Variants in UBA2 observed in about 807,000 individuals in gnomAD.
The protein encoded by UBA2 is ubiquitin like modifier activating enzyme 2.
In UBA2, 11 loss-of-function variants were observed where a neutral mutation model predicts 77.2. The ratio of observed to expected loss-of-function variants is 0.14; its 90% CI spans 0.09 to 0.24. UBA2 has a LOEUF of 0.24. Among genes scored for constraint, UBA2 ranks in the 10% least tolerant of loss-of-function variants. The probability of loss-of-function intolerance (pLI) is 1.00; values close to 1 mark genes in which losing one functional copy is unlikely to be tolerated. For missense variants in UBA2, 487 were observed against 781.7 expected (o/e 0.62, Z 4.50); for synonymous variants, 278 against 276.7 (o/e 1.00, Z -0.05).
intron 4 of UBA2, among the ~76,000 whole-genome samples, chr19:34,433,664 A>G (rs187027082): frequency 2.0e-4 from 31 of 152,340 alleles, no homozygotes; most frequent in South Asian, 6.2e-4. Context: ...AAAGCTCTCA[A>G]AAAGTGTGAC....
chr19:34,464,770 A>G (rs1290136675), intron 15 of UBA2, among the ~76,000 whole-genome samples: 2 of 152,304 alleles, frequency 1.3e-5, no homozygotes, highest in South Asian at 2.1e-4. Flanking sequence ...CATAAAACAA[A>G]TCATTTCGTT....
Position 34,469,276 on chromosome 19 carries a change from C to A in UBA2, c.*55C>A. 1 of 1,441,484 alleles carries A rather than the reference C, an allele frequency of 6.9e-7. No homozygotes were observed. Among genetic ancestry groups the A allele is most frequent in the Non-Finnish European group, 9.1e-7 (1 of 1,094,952 alleles). 89.3% of individuals were successfully genotyped at this position (1,441,484 alleles called of 1,614,324 possible). ...ACTATTTAGTTTATCTGGGCAGAAC[C>A]AGATTGTTATGTCCTTTGTTCCAAA... On this transcript the variant is annotated 3_prime_UTR_variant, in exon 17 of 17. Transcript: ENST00000246548.
At chr19:34,463,313 A>AC (rs2075652301) in intron 14 of UBA2, among the ~76,000 whole-genome samples, 1 of 152,120 alleles carries the variant, frequency 6.6e-6, no homozygotes, top group Admixed American at 6.6e-5. Context: ...TCGGTAGTTA[A>AC]GTGTTTTAAG....
At chr19:34,435,233 AC>A (rs1337631962) in intron 5 of UBA2, among the ~76,000 whole-genome samples, 2 of 152,008 alleles carry the variant, frequency 1.3e-5, no homozygotes, top group African/African-American at 4.8e-5. Context: ...CCCCATCTCT[AC>A]TAAAAATACA....
At chr19:34,450,409 C>A in intron 9 of UBA2, 45 bp downstream of exon 9, 2 of 1,392,346 alleles carry the variant, frequency 1.4e-6, no homozygotes, top group South Asian at 1.3e-5. Context: ...CTGGAAATAT[C>A]CTCGCGTAAA....
intron 6 of UBA2, among the ~76,000 whole-genome samples, chr19:34,442,942 A>G (rs1019432996): frequency 1.3e-5 from 2 of 152,206 alleles, no homozygotes; most frequent in Admixed American, 1.3e-4. Flanking sequence ...TTTCTGTAAG[A>G]TAACTTTCAT....
In UBA2 at chr19:34,446,612, C is replaced by CT. The variant is rs911805667; in HGVS notation, c.771+1506dup. The stretch of plus-strand genomic sequence containing the variant: ...CACATGTTGACTTTTTTTTTTCTTT[C>CT]TTTTTTTTTTTTTTTGAGAGAGAAT... On this transcript the variant is annotated intron_variant, in intron 8 of 16. Coordinates refer to ENST00000246548, the MANE Select transcript of UBA2 (RefSeq NM_005499.3). Among the ~76,000 whole-genome samples, 31 of 53,840 alleles carry CT rather than the reference C, an allele frequency of 5.8e-4. 1 individual carries two copies. In the East Asian group the frequency reaches 9.9e-3, roughly 17 times the overall value. 35.3% of individuals were successfully genotyped at this position (53,840 alleles called of 152,430 possible).
intron 4 of UBA2, among the ~76,000 whole-genome samples, chr19:34,434,269 C>G (rs896111975): frequency 6.6e-6 from 1 of 152,056 alleles, no homozygotes; most frequent in African/African-American, 2.4e-5. Context: ...TACCACCATA[C>G]CCGGCTAATT....
chr19:34,432,718 C>CA (rs1362135821), intron 3 of UBA2, among the ~76,000 whole-genome samples: 1 of 152,162 alleles, frequency 6.6e-6, no homozygotes, highest in Non-Finnish European at 1.5e-5. Context: ...CCACCACACT[C>CA]AGCTAATTTT....
At chr19:34,454,175 A>G (rs2075533443) in intron 10 of UBA2, 85 bp from the exon 11 acceptor site, 1 of 1,204,094 alleles carries the variant, frequency 8.3e-7, no homozygotes, top group Non-Finnish European at 1.2e-6. Context: ...AGTATTATAA[A>G]CACGTGAAAG....
At chr19:34,460,434 C>G in intron 13 of UBA2, 36 bp from the exon 14 acceptor site, 1 of 1,309,980 alleles carries the variant, frequency 7.6e-7, no homozygotes, top group Non-Finnish European at 1.1e-6. Flanking sequence ...TAATTACCTA[C>G]GTTAATATTT....
intron 5 of UBA2, among the ~76,000 whole-genome samples, chr19:34,436,664 C>A (rs1332617190): frequency 6.6e-6 from 1 of 152,188 alleles, no homozygotes; most frequent in East Asian, 1.9e-4. Flanking sequence ...TCTTTCAGTT[C>A]TTTTAAGAAG....
rs976889228 is a variant in UBA2 at position 34,428,720 on chromosome 19, G to GC, written c.138+158dup. On this transcript the variant is annotated intron_variant, in intron 1 of 16. Coordinates refer to ENST00000246548, the MANE Select transcript of UBA2 (RefSeq NM_005499.3). ...GGGCAGGCTGAGAGGCTCGGGTTGT[G>GC]CCCCCCCCGCGGGAGGAGACTGTTC... The GC allele has an allele frequency of 1.9e-3, 2,128 of 1,139,572 alleles. 4 individuals are homozygous for GC. Among genetic ancestry groups the GC allele is most frequent in the Non-Finnish European group, 2.1e-3 (1,912 of 910,442 alleles). The allele number at this position is 1,139,572 out of a possible 1,614,324, so 70.6% of individuals were successfully genotyped here.
chr19:34,430,517 T>A, intron 1 of UBA2, 59 bp from the exon 2 acceptor site: 1 of 1,318,254 alleles, frequency 7.6e-7, no homozygotes, highest in South Asian at 1.2e-5. Flanking sequence ...CTGAGAGTAG[T>A]GATACAGCTC....
chr19:34,437,379 G>A lies in UBA2; in HGVS notation c.460-1266G>A, dbSNP rs377497573. Among the ~76,000 whole-genome samples, 160 of 151,608 alleles carry A rather than the reference G, an allele frequency of 1.1e-3. 4 individuals carry two copies. The South Asian group carries it at 0.032, about 30-fold the overall frequency. On this transcript the variant is annotated intron_variant, in intron 5 of 16. Transcript: ENST00000246548. ...AATCCCAGCACTTTGGGAGGCCAAG[G>A]CGGGCGGATCACCTGAGGTAAGGAG...
chr19:34,438,551 G>T, intron 5 of UBA2, 94 bp from the exon 6 acceptor site: 3 of 1,457,350 alleles, frequency 2.1e-6, no homozygotes, highest in Non-Finnish European at 2.8e-6. Context: ...GTAAAACGTA[G>T]TTGGAATATA....
At chr19:34,455,842 A>G (rs1035041320) in intron 12 of UBA2, among the ~76,000 whole-genome samples, 5 of 151,624 alleles carry the variant, frequency 3.3e-5, no homozygotes, top group African/African-American at 7.3e-5. Flanking sequence ...GGGTTTCACT[A>G]TGTTGGTTAG....
Position 34,429,065 on chromosome 19 carries a change from C to T in UBA2, c.138+495C>T, listed in dbSNP as rs546663038. On this transcript the variant is annotated intron_variant, in intron 1 of 16. Coordinates refer to ENST00000246548, the MANE Select transcript of UBA2 (RefSeq NM_005499.3). ...TTACACACGGAACGCGCACCATCTTCATACCACCCGAGGAGTGCAAACGCT... is the reference window on the plus strand; with the variant it reads ...TTACACACGGAACGCGCACCATCTTTATACCACCCGAGGAGTGCAAACGCT... 9.1e-6 allele frequency: 9 copies of T among 985,346 alleles called. No homozygotes were observed. The African/African-American group carries it at 1.6e-4, about 17-fold the overall frequency. 61.0% of individuals were successfully genotyped at this position (985,346 alleles called of 1,614,324 possible). A position where few individuals can be genotyped will look rare whatever the true frequency, so the allele number is the denominator to read the frequency against.
intron 2 of UBA2, among the ~76,000 whole-genome samples, chr19:34,430,915 G>A (rs1003773687): frequency 6.6e-6 from 1 of 152,074 alleles, no homozygotes; most frequent in African/African-American, 2.4e-5. Flanking sequence ...CTTTGCTTAG[G>A]ATGCACCTTG....
Sources: allele counts gnomAD v4.1 joint callset (sites outside exome capture counted in the v4.1 genomes callset), GRCh38; gene constraint gnomAD v4.1.1; transcripts MANE v1.5; gene names NCBI Gene and HGNC (gene_info 2026-07-23, HGNC 2026-07-21).